Variants in XIRP2 observed in about 807,000 individuals in gnomAD.
XIRP2 encodes xin actin binding repeat containing 2, also known as xin actin-binding repeat-containing protein 2.
XIRP2 carries 236 observed loss-of-function variants against 277.0 expected under a neutral mutation model. The ratio of observed to expected loss-of-function variants is 0.85; its 90% CI spans 0.77 to 0.95. The LOEUF (loss-of-function observed/expected upper bound fraction) is 0.95, where lower values mean the gene tolerates loss of function less well. Among genes scored for constraint, XIRP2 ranks in the 40% least tolerant of loss-of-function variants. The pLI, the probability that XIRP2 is intolerant of heterozygous loss-of-function variation, is 0.00. For missense variants in XIRP2, 4,640 were observed against 4,157.5 expected, an observed-to-expected ratio of 1.12 and a Z score of -3.19; for synonymous variants, 1,490 against 1,416.5, an observed-to-expected ratio of 1.05 and a Z score of -1.17.
intron 2 of XIRP2, among the ~76,000 whole-genome samples, chr2:167,040,785 C>A (rs961745183): frequency 2.6e-5 from 4 of 152,170 alleles, no homozygotes; most frequent in Admixed American, 1.3e-4. Flanking sequence ...CACCTGCAGA[C>A]CCTAGGTAAA....
chr2:167,152,991 T>C lies in XIRP2; in HGVS notation c.562+16929T>C, dbSNP rs537016864. On this transcript the variant is annotated intron_variant, in intron 3 of 10. Transcript: ENST00000409195. ...CCCTATTTCGCAGGCAACCTCTGCGTGTATCTACATGATTATTTTGGCATG... is the reference window on the plus strand; with the variant it reads ...CCCTATTTCGCAGGCAACCTCTGCGCGTATCTACATGATTATTTTGGCATG... Among the ~76,000 whole-genome samples the C allele has an allele frequency of 3.3e-5, 5 of 152,254 alleles. No individual in the cohort carries two copies. The South Asian group carries it at 1.0e-3, about 32-fold the overall frequency.
At chr2:167,023,555 C>G (rs558634133) in intron 2 of XIRP2, among the ~76,000 whole-genome samples, 4 of 152,134 alleles carry the variant, frequency 2.6e-5, no homozygotes, top group Non-Finnish European at 5.9e-5. Context: ...AATGGTAATG[C>G]CTAGGTTTTC....
chr2:166,958,222 A>G (rs529613296), intron 2 of XIRP2, among the ~76,000 whole-genome samples: 5 of 152,046 alleles, frequency 3.3e-5, no homozygotes, highest in Admixed American at 1.3e-4. Context: ...CGCATGCCCA[A>G]CAGTTGTGGG....
chr2:167,011,242 T>A (rs973209884), intron 2 of XIRP2, among the ~76,000 whole-genome samples: 10 of 151,770 alleles, frequency 6.6e-5, no homozygotes, highest in African/African-American at 2.4e-4. Context: ...TTGAGATACA[T>A]CCCATCAATA....
At chr2:167,254,328 C>A (rs1012677883) in intron 10 of XIRP2, among the ~76,000 whole-genome samples, 163 bp downstream of exon 10, 2 of 151,924 alleles carry the variant, frequency 1.3e-5, no homozygotes, top group African/African-American at 4.8e-5. Context: ...ATTTCTGCGA[C>A]CTTTTTCCTT....
chr2:167,202,366 T>G (rs2105379540), intron 3 of XIRP2, among the ~76,000 whole-genome samples: 1 of 152,366 alleles, frequency 6.6e-6, no homozygotes, highest in Non-Finnish European at 1.5e-5. Context: ...TTAAATTTTC[T>G]TAATTCATAA....
chr2:167,172,602 C>A (rs1020194527), intron 3 of XIRP2, among the ~76,000 whole-genome samples: 21 of 152,132 alleles, frequency 1.4e-4, no homozygotes, highest in Non-Finnish European at 2.6e-4. Context: ...CAGGGCTGTT[C>A]CTTGCTGAGA....
chr2:167,057,945 ACTT>A (rs2105545932), intron 2 of XIRP2, among the ~76,000 whole-genome samples: 1 of 152,104 alleles, frequency 6.6e-6, no homozygotes, highest in East Asian at 1.9e-4. Context: ...AAGAAAAAGA[ACTT>A]CTAAGAAGTT....
At chr2:167,033,656 C>T (rs1329568599) in intron 2 of XIRP2, among the ~76,000 whole-genome samples, 1 of 151,838 alleles carries the variant, frequency 6.6e-6, no homozygotes, top group Non-Finnish European at 1.5e-5. Context: ...AAATAACATA[C>T]AAAGGAGCTC....
chr2:167,200,212 T>C (rs1162682134), intron 3 of XIRP2, among the ~76,000 whole-genome samples: 1 of 152,170 alleles, frequency 6.6e-6, no homozygotes, highest in Non-Finnish European at 1.5e-5. Flanking sequence ...CAATGAAGGA[T>C]ACAGTTTCCT....
chr2:166,893,234 T>G (rs1415147415), intron 1 of XIRP2, among the ~76,000 whole-genome samples: 1 of 152,080 alleles, frequency 6.6e-6, no homozygotes, highest in African/African-American at 2.4e-5. Context: ...CCATAATTGT[T>G]TTAAAAGGCT....
In XIRP2 at chr2:166,896,277, C is replaced by T. The variant is rs560443244; in HGVS notation, c.-18-7188C>T. On this transcript the variant is annotated intron_variant, in intron 1 of 10. Coordinates refer to ENST00000409195, the MANE Select transcript of XIRP2 (RefSeq NM_152381.6). Reference sequence around the variant, plus strand: ...TATATGTAAAAGATTGACTGCAAAACAGCCTCAGACAGGGTCTTCAGTGGG... The same window carrying T: ...TATATGTAAAAGATTGACTGCAAAATAGCCTCAGACAGGGTCTTCAGTGGG... Among the ~76,000 whole-genome samples, 21 of 152,186 alleles carry T rather than the reference C, an allele frequency of 1.4e-4. No individual in the cohort carries two copies. In the South Asian group the frequency reaches 4.4e-3, roughly 32 times the overall value.
At chr2:167,077,389 C>A (rs1421129010) in intron 2 of XIRP2, among the ~76,000 whole-genome samples, 2 of 151,644 alleles carry the variant, frequency 1.3e-5, no homozygotes, top group South Asian at 2.1e-4. Context: ...TTTTTAAGAA[C>A]CTATTATGTG....
At chr2:167,228,494 C>A (rs959920633) in intron 5 of XIRP2, among the ~76,000 whole-genome samples, 2 of 152,100 alleles carry the variant, frequency 1.3e-5, no homozygotes, top group African/African-American at 4.8e-5. Context: ...TTGCAGAACA[C>A]CTTCTTGGGG....
At chr2:167,025,750 T>C (rs1214639026) in intron 2 of XIRP2, among the ~76,000 whole-genome samples, 2 of 152,224 alleles carry the variant, frequency 1.3e-5, no homozygotes, top group African/African-American at 4.8e-5. Flanking sequence ...TCAGTTTCCA[T>C]GTAGTTGAGC....
chr2:167,245,249 A>G lies in XIRP2; in HGVS notation c.3857A>G (p.Glu1286Gly). ...CFIFETFSLD[E>G]IKEESDYIST... Reference sequence around the variant, plus strand: ...ATTTTTGAGACTTTTTCTTTAGATGAGATTAAAGAAGAATCTGACTATATC... The same window carrying G: ...ATTTTTGAGACTTTTTCTTTAGATGGGATTAAAGAAGAATCTGACTATATC... The change falls in exon 9 of 11, where the codon GAG becomes GGG. Residue 1286 changes from glutamate (E) to glycine (G), a missense_variant. Coordinates refer to ENST00000409195, the MANE Select transcript of XIRP2 (RefSeq NM_152381.6). The G allele has an allele frequency of 2.5e-6, 4 of 1,613,600 alleles. No homozygotes were observed. Among genetic ancestry groups the G allele is most frequent in the Non-Finnish European group, 3.4e-6 (4 of 1,179,686 alleles).
intron 2 of XIRP2, among the ~76,000 whole-genome samples, chr2:167,054,980 C>T (rs1315434484): frequency 6.6e-6 from 1 of 152,178 alleles, no homozygotes; most frequent in African/African-American, 2.4e-5. Flanking sequence ...ATTTGTTTAG[C>T]TCACTATTCT....
At chr2:166,898,638 G>A (rs571196224) in intron 1 of XIRP2, among the ~76,000 whole-genome samples, 4 of 151,916 alleles carry the variant, frequency 2.6e-5, no homozygotes, top group South Asian at 2.1e-4. Context: ...AATTGAAATC[G>A]ACGCCATATA....
chr2:167,226,146 G>A (rs1270805600), intron 5 of XIRP2, among the ~76,000 whole-genome samples: 1 of 152,164 alleles, frequency 6.6e-6, no homozygotes, highest in Non-Finnish European at 1.5e-5. Flanking sequence ...TGCAAGAAGT[G>A]GAAATGCAAA....
Sources: gnomAD v4.1 joint callset for allele counts (sites outside exome capture counted in the v4.1 genomes callset) on GRCh38, gnomAD v4.1.1 for gene constraint, MANE v1.5 for transcripts, NCBI Gene and HGNC (gene_info 2026-07-23, HGNC 2026-07-21) for gene names.